SYCE1: variants seen among roughly 807,000 people sequenced by gnomAD.
SYCE1 encodes the protein synaptonemal complex central element protein 1, also known as cancer/testis antigen 76.
Under a neutral mutation model 55.1 loss-of-function variants are expected in SYCE1, and 37 were observed. The ratio of observed to expected loss-of-function variants is 0.67; its 90% CI spans 0.52 to 0.88. The LOEUF is 0.88. Among genes scored for constraint, SYCE1 ranks in the 40% least tolerant of loss-of-function variants. The pLI, the probability that SYCE1 is intolerant of heterozygous loss-of-function variation, is 0.00. For synonymous variants in SYCE1, 163 were observed against 159.4 expected (o/e 1.02, Z -0.17); for missense variants, 399 against 416.4 (o/e 0.96, Z 0.36).
chr10:133,564,441 C>G (rs1851880945), intron 1 of SYCE1: 1 of 985,224 alleles, frequency 1.0e-6, no homozygotes, highest in African/African-American at 1.7e-5. Flanking sequence ...AGCCATGATA[C>G]TGAAAGGCTA....
chr10:133,564,401 T>C, intron 1 of SYCE1: 5 of 985,358 alleles, frequency 5.1e-6, no homozygotes, highest in Non-Finnish European at 6.0e-6. Flanking sequence ...AAAACTTACC[T>C]AAATATACTA....
At chr10:133,554,423 A>AC, downstream of SYCE1, 1 of 1,131,658 alleles carries the variant, frequency 8.8e-7, no homozygotes, top group Admixed American at 1.7e-5. Context: ...GATTGGGTCA[A>AC]CGCATTTCAG....
intron 5 of SYCE1, 56 bp downstream of exon 5, chr10:133,558,111 T>A: frequency 6.2e-7 from 1 of 1,608,614 alleles, no homozygotes; most frequent in Non-Finnish European, 8.5e-7. Flanking sequence ...ATAGGGAGAG[T>A]GGGCTTCTGT....
chr10:133,565,432 A>C lies in SYCE1; in HGVS notation c.73+25T>G, dbSNP rs1374479150. The C allele has an allele frequency of 3.2e-6, 5 of 1,541,136 alleles. No individual in the cohort carries two copies. In the African/African-American group the frequency reaches 5.5e-5, roughly 17 times the overall value. ...CCTCGGCGAGGTCAGACCCTCACGC[A>C]CAGTTCCCTGCCTCCCACCACTACC... On this transcript the variant is annotated intron_variant, in intron 1 of 12. Coordinates refer to ENST00000343131, the MANE Select transcript of SYCE1 (RefSeq NM_001143764.3).
chr10:133,557,605 A>G (rs2133618187), intron 6 of SYCE1: 1 of 567,194 alleles, frequency 1.8e-6, no homozygotes, highest in Non-Finnish European at 3.1e-6. Flanking sequence ...GGAGTATGAC[A>G]AAGAGTAAAA....
rs867076118 is a variant in SYCE1, at chr10:133,555,414, A to G, written c.855T>C (p.His285=). Residue 285 remains histidine, a synonymous_variant, in exon 12 of 13, where the codon CAT becomes CAC. Coordinates refer to ENST00000343131, the MANE Select transcript of SYCE1 (RefSeq NM_001143764.3). ...GGGCTTGGGCAGGGACTTGCATTCC[A>G]TGCTTTTCCAGCTCTTCCTTCAGCC... ...RQRLKEELEK[H]GMQVPAQAQS... 19 of 1,614,048 alleles carry G rather than the reference A, an allele frequency of 1.2e-5. No homozygotes were observed. In the Middle Eastern group the frequency reaches 2.0e-3, roughly 168 times the overall value.
At chr10:133,563,705 T>A (rs893919752) in intron 1 of SYCE1, among the ~76,000 whole-genome samples, 25 of 124,448 alleles carry the variant, frequency 2.0e-4, no homozygotes, top group Admixed American at 1.9e-3. Flanking sequence ...AAAAAAAAAA[T>A]CAAGCATAAA....
upstream of SYCE1, chr10:133,568,019 G>A (rs1175875199): frequency 6.6e-6 from 4 of 608,056 alleles, no homozygotes; most frequent in Non-Finnish European, 1.2e-5. Context: ...GGGAGGAAGG[G>A]GGAGCCCAGG....
chr10:133,559,315 T>C lies in SYCE1; in HGVS notation c.182A>G (p.Asn61Ser), dbSNP rs141655620. 1.2e-6 allele frequency: 2 copies of C among 1,614,186 alleles called. No homozygotes were observed. Among genetic ancestry groups the C allele is most frequent in the East Asian group, 4.5e-5 (2 of 44,892 alleles). The change falls in exon 3 of 13, where the codon AAT becomes AGT. Residue 61 changes from asparagine (N) to serine (S), a missense_variant. Transcript: ENST00000343131. ...CCTGAACTCACCTTGCTGGACCTCATTAATCCGGTTAATCAGGACCTCAAC... is the reference window on the plus strand; with the variant it reads ...CCTGAACTCACCTTGCTGGACCTCACTAATCCGGTTAATCAGGACCTCAAC... Reference protein sequence around the residue: ...PRVEVLINRINEVQQAKKKAN... With the variant: ...PRVEVLINRISEVQQAKKKAN...
chr10:133,559,914 G>C (rs1246421971), intron 2 of SYCE1, 177 bp downstream of exon 2: 3 of 630,032 alleles, frequency 4.8e-6, no homozygotes, highest in African/African-American at 1.8e-5. Flanking sequence ...ATACCCTTTT[G>C]CTTCTTTAAT....
chr10:133,568,271 C>T (rs1301957457), upstream of SYCE1: 10 of 1,420,554 alleles, frequency 7.0e-6, no homozygotes, highest in East Asian at 2.5e-5. Flanking sequence ...CCGGGTCCCG[C>T]GGCCCTTCTC....
At chr10:133,558,782 C>A in intron 4 of SYCE1, 95 bp downstream of exon 4, 1 of 1,278,402 alleles carries the variant, frequency 7.8e-7, no homozygotes, top group South Asian at 1.3e-5. Context: ...GTACAGGACC[C>A]TTGGCCATGG....
chr10:133,554,175 G>C, downstream of SYCE1: 2 of 897,540 alleles, frequency 2.2e-6, no homozygotes, highest in Non-Finnish European at 3.6e-6. Context: ...TTTAAGACAG[G>C]TATGATTAAC....
At position 133,565,572 on chromosome 10, in the gene SYCE1, C is replaced by G; in HGVS notation, c.-43G>C. The G allele has an allele frequency of 1.3e-6, 2 of 1,540,772 alleles. No individual in the cohort carries two copies. The highest frequency in any genetic ancestry group is 1.8e-6 in the Non-Finnish European group (2 of 1,142,634). On this transcript the variant is annotated 5_prime_UTR_variant, in exon 1 of 13. Coordinates refer to ENST00000343131, the MANE Select transcript of SYCE1 (RefSeq NM_001143764.3). ...GCGAGGGTGCCTCGGGAGGGAGCCT[C>G]CAGTGGTGATTGGAGCAACCGCCGC...
chr10:133,564,160 A>T (rs958237850), intron 1 of SYCE1, among the ~76,000 whole-genome samples: 4 of 152,086 alleles, frequency 2.6e-5, no homozygotes, highest in Non-Finnish European at 5.9e-5. Context: ...TGATTAGGTC[A>T]TGAGAGTAGG....
At chr10:133,568,064 C>A (rs1229305309), upstream of SYCE1, 5 of 651,960 alleles carry the variant, frequency 7.7e-6, no homozygotes, top group East Asian at 3.0e-5. Context: ...GGCCCGGGGG[C>A]CAGATGTGGT....
At position 133,558,888 on chromosome 10, in the gene SYCE1, T is replaced by C; in HGVS notation, c.260A>G (p.Glu87Gly). 6.2e-7 allele frequency: 1 copy of C among 1,613,574 alleles called. No homozygotes were observed. The highest frequency in any genetic ancestry group is 8.5e-7 in the Non-Finnish European group (1 of 1,179,902). The change falls in exon 4 of 13, where the codon GAA (glutamate) becomes GGA (glycine). Residue 87 changes from glutamate (E) to glycine (G), a missense_variant. Glu to Gly is a moderately conservative substitution (Grantham distance 98). Coordinates refer to ENST00000343131, the MANE Select transcript of SYCE1 (RefSeq NM_001143764.3). ...CCCGGCTCTCTTACGCGAGTCCAGT[T>C]CCTTCTGCAGGGCCTCACAGATGGT... ...ARTICEALQK[E>G]LDSLHGEKVH...
intron 1 of SYCE1, among the ~76,000 whole-genome samples, chr10:133,561,699 T>A (rs1851818199): frequency 6.6e-6 from 1 of 152,194 alleles, no homozygotes; most frequent in African/African-American, 2.4e-5. Context: ...TTCCTTATCA[T>A]TAGAGTGTCC....
chr10:133,558,996 T>C, intron 3 of SYCE1, 45 bp from the exon 4 acceptor site: 1 of 1,568,884 alleles, frequency 6.4e-7, no homozygotes, highest in Non-Finnish European at 8.7e-7. Flanking sequence ...CAGCCTCTAT[T>C]CTCTTCCCAA....
Sources: allele counts gnomAD v4.1 joint callset (sites outside exome capture counted in the v4.1 genomes callset), GRCh38; gene constraint gnomAD v4.1.1; transcripts MANE v1.5; gene names NCBI Gene and HGNC (gene_info 2026-07-23, HGNC 2026-07-21).